Variants in TLN2 observed in about 807,000 individuals in gnomAD.
TLN2 encodes talin-2.
In TLN2, 118 loss-of-function variants were observed where a neutral mutation model predicts 294.7. The observed-to-expected ratio is 0.40, with a 90% CI of 0.34 to 0.47. The LOEUF (loss-of-function observed/expected upper bound fraction) is 0.47. Ranked by LOEUF, TLN2 falls within the 20% of genes least tolerant of loss-of-function variation. The pLI, the probability that TLN2 is intolerant of heterozygous loss-of-function variation, is 0.84. For missense variants in TLN2, 3,083 were observed against 3,282.2 expected (o/e 0.94, Z 1.48); for synonymous variants, 1,431 against 1,304.5 (o/e 1.10, Z -2.09).
chr15:62,711,884 G>C, intron 21 of TLN2, 27 bp from the exon 22 acceptor site: 1 of 1,586,352 alleles, frequency 6.3e-7, no homozygotes, highest in East Asian at 2.3e-5. Flanking sequence ...CAGACAAACA[G>C]ACCTCATCCT....
intron 1 of TLN2, among the ~76,000 whole-genome samples, chr15:62,517,150 A>G (rs902772810): frequency 6.6e-6 from 1 of 152,190 alleles, no homozygotes; most frequent in African/African-American, 2.4e-5. Context: ...TTCAGAGATT[A>G]CCAAACCTTC....
intron 1 of TLN2, among the ~76,000 whole-genome samples, chr15:62,398,285 T>G (rs543365002): frequency 4.6e-5 from 7 of 152,174 alleles, no homozygotes; most frequent in Non-Finnish European, 8.8e-5. Flanking sequence ...TGAAGAAGGA[T>G]GTGTTTGCTT....
chr15:62,549,023 G>T (rs2042142575), intron 1 of TLN2, among the ~76,000 whole-genome samples: 1 of 152,126 alleles, frequency 6.6e-6, no homozygotes, highest in African/African-American at 2.4e-5. Flanking sequence ...ATCTGCTTAT[G>T]CCCAGAAAAG....
chr15:62,737,194 G>T lies in TLN2; in HGVS notation c.3567+108G>T, dbSNP rs926264868. 1.1e-5 allele frequency: 13 copies of T among 1,144,618 alleles called. No homozygotes were observed. In the East Asian group the frequency reaches 3.3e-4, roughly 29 times the overall value. The allele number at this position is 1,144,618 out of a possible 1,614,324, so 70.9% of individuals were successfully genotyped here. On this transcript the variant is annotated intron_variant, in intron 29 of 58. Coordinates refer to ENST00000636159, the MANE Select transcript of TLN2 (RefSeq NM_015059.3). The stretch of plus-strand genomic sequence containing the variant: ...CCCTGATATGAACACTGACACAGCA[G>T]ATGTTTTCAGAAACTTCCAAAGGTC...
chr15:62,441,829 G>A (rs2035560215), intron 1 of TLN2, among the ~76,000 whole-genome samples: 1 of 152,162 alleles, frequency 6.6e-6, no homozygotes, highest in Non-Finnish European at 1.5e-5. Flanking sequence ...GAAGGACTGG[G>A]TTCAGACAAG....
chr15:62,745,228 C>T (rs1363792564), intron 32 of TLN2, among the ~76,000 whole-genome samples: 4 of 152,008 alleles, frequency 2.6e-5, no homozygotes, highest in Admixed American at 1.3e-4. Flanking sequence ...GATAGATAAG[C>T]CTAGATGAAA....
At chr15:62,719,186 T>C (rs1202166307) in intron 24 of TLN2, among the ~76,000 whole-genome samples, 2 of 152,186 alleles carry the variant, frequency 1.3e-5, no homozygotes. Context: ...AGCCCATTAC[T>C]GTACAGCAGC....
intron 2 of TLN2, among the ~76,000 whole-genome samples, chr15:62,591,146 C>T (rs2140737367): frequency 6.6e-6 from 1 of 152,038 alleles, no homozygotes. Context: ...TATAATTTTG[C>T]CAAAGAGAAA....
chr15:62,752,422 G>T lies in TLN2; in HGVS notation c.4327G>T (p.Ala1443Ser). Residue 1443 changes from alanine to serine, a missense_variant, in exon 35 of 59, where the codon GCC becomes TCC. Ala to Ser is a moderately conservative substitution (Grantham distance 99). Transcript: ENST00000636159. ...TCTCTGTGGGCTGACAGAGGCTGCAGCCCAGGTAAGGGGCTAGTCCCGATG... is the reference window on the plus strand; with the variant it reads ...TCTCTGTGGGCTGACAGAGGCTGCATCCCAGGTAAGGGGCTAGTCCCGATG... ...KALCGLTEAA[A>S]QAAYLVGISD... 6.2e-7 allele frequency: 1 copy of T among 1,614,140 alleles called. No individual in the cohort carries two copies. Among genetic ancestry groups the T allele is most frequent in the Non-Finnish European group, 8.5e-7 (1 of 1,180,002 alleles).
At chr15:62,628,393 C>G (rs7182961) in intron 3 of TLN2, among the ~76,000 whole-genome samples, 34,261 of 152,194 alleles carry the variant, frequency 0.23, 5,077 homozygotes, top group East Asian at 0.64. Flanking sequence ...ATGCAAATTA[C>G]ACAGGAGCAA....
chr15:62,475,412 G>A (rs999597217), intron 1 of TLN2, among the ~76,000 whole-genome samples: 1 of 152,182 alleles, frequency 6.6e-6, no homozygotes, highest in African/African-American at 2.4e-5. Context: ...GCTCGAGGTT[G>A]CATTGATGTG....
At position 62,752,236 on chromosome 15, in the gene TLN2, G is replaced by A. The variant is rs941309406; in HGVS notation, c.4210-69G>A. On this transcript the variant is annotated intron_variant, in intron 34 of 58. Coordinates refer to ENST00000636159, the MANE Select transcript of TLN2 (RefSeq NM_015059.3). The stretch of plus-strand genomic sequence containing the variant: ...TTGCCTTGAATATTAAAGTTGGAGT[G>A]TAGCCTCCTTTACCCCTTGGTTTGA... 2.3e-5 allele frequency: 36 copies of A among 1,567,046 alleles called. No homozygotes were observed. The East Asian group carries it at 4.8e-4, about 21-fold the overall frequency.
chr15:62,771,576 G>A (rs930742790), intron 42 of TLN2, among the ~76,000 whole-genome samples: 46 of 152,236 alleles, frequency 3.0e-4, no homozygotes, highest in Non-Finnish European at 2.2e-4. Flanking sequence ...TCTTCAGCCT[G>A]TTGTGTCACC....
At chr15:62,554,040 G>A (rs2042468467) in intron 1 of TLN2, among the ~76,000 whole-genome samples, 1 of 151,322 alleles carries the variant, frequency 6.6e-6, no homozygotes, top group Non-Finnish European at 1.5e-5. Flanking sequence ...AGGATTTCAA[G>A]GACTCAATTT....
At chr15:62,466,838 G>A (rs1448409600) in intron 1 of TLN2, among the ~76,000 whole-genome samples, 1 of 152,202 alleles carries the variant, frequency 6.6e-6, no homozygotes, top group East Asian at 1.9e-4. Context: ...TGATGACACT[G>A]ACTCTGACCT....
At chr15:62,547,071 G>A (rs2042035125) in intron 1 of TLN2, among the ~76,000 whole-genome samples, 1 of 152,190 alleles carries the variant, frequency 6.6e-6, no homozygotes, top group African/African-American at 2.4e-5. Flanking sequence ...CAAAGAAACT[G>A]CTATTCCTTA....
intron 41 of TLN2, among the ~76,000 whole-genome samples, chr15:62,767,605 C>T (rs1161733675): frequency 1.3e-5 from 2 of 152,174 alleles, no homozygotes; most frequent in East Asian, 1.9e-4. Context: ...TCCCAAAGTT[C>T]TGGGATTACA....
Position 62,698,932 on chromosome 15 carries a change from C to T in TLN2, c.1587+65C>T, listed in dbSNP as rs1168989853. The stretch of plus-strand genomic sequence containing the variant: ...CTGGCAGAAAGCAGGGTTATATACT[C>T]TGTCGGGATTCATCTAGGTAAATTT... On this transcript the variant is annotated intron_variant, in intron 16 of 58. Coordinates refer to ENST00000636159, the MANE Select transcript of TLN2 (RefSeq NM_015059.3). 4 of 1,440,820 alleles carry T rather than the reference C, an allele frequency of 2.8e-6. No individual in the cohort carries two copies. The Admixed American group carries it at 5.7e-5, about 21-fold the overall frequency. The allele number at this position is 1,440,820 out of a possible 1,614,324, so 89.3% of individuals were successfully genotyped here.
intron 1 of TLN2, among the ~76,000 whole-genome samples, chr15:62,545,686 G>A (rs1161597477): frequency 6.6e-6 from 1 of 152,198 alleles, no homozygotes; most frequent in Non-Finnish European, 1.5e-5. Flanking sequence ...TTCTTGGACA[G>A]CAGCCTGAAA....
Sources: gnomAD v4.1 joint callset for allele counts (sites outside exome capture counted in the v4.1 genomes callset) on GRCh38, gnomAD v4.1.1 for gene constraint, MANE v1.5 for transcripts, NCBI Gene and HGNC (gene_info 2026-07-23, HGNC 2026-07-21) for gene names.